Variants in LIMS1 observed in about 807,000 individuals in gnomAD.
The protein encoded by LIMS1 is LIM and senescent cell antigen-like-containing domain protein 1.
A neutral mutation model predicts 44.1 loss-of-function variants in LIMS1; 18 were observed. The ratio of observed to expected loss-of-function variants is 0.41; its 90% CI spans 0.28 to 0.61. LIMS1 has a LOEUF of 0.61. Ranked by LOEUF, LIMS1 falls within the 20% of genes least tolerant of loss-of-function variation. The probability of loss-of-function intolerance (pLI) is 0.32; values close to 1 mark genes in which losing one functional copy is unlikely to be tolerated. For missense variants in LIMS1, 201 were observed against 422.0 expected, an observed-to-expected ratio of 0.48 and a Z score of 4.59; for synonymous variants, 93 against 149.1, an observed-to-expected ratio of 0.62 and a Z score of 2.74.
intron 1 of LIMS1, among the ~76,000 whole-genome samples, chr2:108,644,396 C>CAGAG (rs1025374649): frequency 1.3e-5 from 2 of 152,148 alleles, no homozygotes; most frequent in Admixed American, 6.5e-5. Flanking sequence ...AGACCTGCAG[C>CAGAG]AGAGGGGCCT....
At chr2:108,686,085 G>GAAAA (rs935885799) in exon 10 of LIMS1, 6 of 152,306 alleles carry the variant, frequency 3.9e-5, no homozygotes, top group Non-Finnish European at 7.3e-5. Flanking sequence ...CCAGCACTTT[G>GAAAA]GGAGGTCGAG....
intron 1 of LIMS1, among the ~76,000 whole-genome samples, chr2:108,587,374 G>GT (rs1207679354): frequency 6.8e-6 from 1 of 146,260 alleles, no homozygotes; most frequent in Non-Finnish European, 1.5e-5. Flanking sequence ...TTTTGTTTTT[G>GT]TTTTTTCAGA....
intron 1 of LIMS1, among the ~76,000 whole-genome samples, chr2:108,631,048 G>A (rs1161743767): frequency 6.6e-6 from 1 of 152,200 alleles, no homozygotes; most frequent in Non-Finnish European, 1.5e-5. Flanking sequence ...AATTTATTAT[G>A]ACAGGATGAA....
chr2:108,600,790 G>C (rs1212756122), intron 1 of LIMS1, among the ~76,000 whole-genome samples: 1 of 152,134 alleles, frequency 6.6e-6, no homozygotes, highest in Non-Finnish European at 1.5e-5. Flanking sequence ...AGTATAATTG[G>C]AAATCCAGTA....
chr2:108,562,181 C>T (rs1685147843), intron 1 of LIMS1, among the ~76,000 whole-genome samples: 1 of 152,222 alleles, frequency 6.6e-6, no homozygotes. Flanking sequence ...GCCGATCTCT[C>T]ACCCTCTCCT....
intron 1 of LIMS1, among the ~76,000 whole-genome samples, chr2:108,589,334 C>T (rs765725125): frequency 1.1e-4 from 16 of 152,150 alleles, no homozygotes; most frequent in African/African-American, 1.7e-4. Context: ...ATCACTTTTT[C>T]GTGGTAACAA....
At chr2:108,567,956 G>T (rs764628590) in intron 1 of LIMS1, among the ~76,000 whole-genome samples, 6 of 152,180 alleles carry the variant, frequency 3.9e-5, no homozygotes, top group Non-Finnish European at 7.3e-5. Context: ...TTGATTCATT[G>T]ATTTAACCAC....
At chr2:108,587,290 T>TTG (rs58815332) in intron 1 of LIMS1, among the ~76,000 whole-genome samples, 7,775 of 105,448 alleles carry the variant, frequency 0.074, 207 homozygotes, top group Non-Finnish European at 0.08. Flanking sequence ...TTCTTGGGGT[T>TTG]TGTGTGTGTG....
At chr2:108,558,913 C>T (rs1192652107) in intron 1 of LIMS1, among the ~76,000 whole-genome samples, 1 of 151,948 alleles carries the variant, frequency 6.6e-6, no homozygotes, top group Non-Finnish European at 1.5e-5. Context: ...TCAGGTGATC[C>T]ACCCGCCTTG....
At chr2:108,634,156 C>A (rs1032631448) in intron 1 of LIMS1, among the ~76,000 whole-genome samples, 3 of 152,194 alleles carry the variant, frequency 2.0e-5, no homozygotes, top group African/African-American at 7.2e-5. Context: ...CATGCAATAA[C>A]TGACCTGTGT....
intron 2 of LIMS1, among the ~76,000 whole-genome samples, chr2:108,663,743 AATTTTTT>A (rs2148978963): frequency 6.6e-6 from 1 of 151,704 alleles, no homozygotes; most frequent in Non-Finnish European, 1.5e-5. Context: ...CCATTTTTTT[AATTTTTT>A]ATTTTTATTT....
At chr2:108,618,128 C>T (rs144478915) in intron 1 of LIMS1, among the ~76,000 whole-genome samples, 157 of 152,158 alleles carry the variant, frequency 1.0e-3, no homozygotes, top group African/African-American at 3.5e-3. Context: ...GGGAAAATGA[C>T]GGTGGGGAAT....
At chr2:108,582,921 A>G (rs1188026653) in intron 1 of LIMS1, among the ~76,000 whole-genome samples, 3 of 152,176 alleles carry the variant, frequency 2.0e-5, no homozygotes, top group Admixed American at 2.0e-4. Context: ...GGTGGTACTA[A>G]CATTACCACC....
chr2:108,645,119 G>A (rs1689971839), intron 1 of LIMS1, among the ~76,000 whole-genome samples: 1 of 152,042 alleles, frequency 6.6e-6, no homozygotes, highest in Admixed American at 6.6e-5. Flanking sequence ...AGCAAGGCAG[G>A]CCAACATTCA....
intron 1 of LIMS1, among the ~76,000 whole-genome samples, chr2:108,611,971 T>C (rs1324621129): frequency 1.4e-5 from 2 of 139,458 alleles, no homozygotes; most frequent in African/African-American, 2.6e-5. Context: ...TATATACACA[T>C]ATATAAAATA....
At chr2:108,659,911 G>A in intron 2 of LIMS1, 147 bp downstream of exon 2, 1 of 890,338 alleles carries the variant, frequency 1.1e-6, no homozygotes. Context: ...ATAGCTGTGA[G>A]GTCAGAGGTG....
chr2:108,641,913 T>C (rs1689693351), intron 1 of LIMS1, among the ~76,000 whole-genome samples: 1 of 152,242 alleles, frequency 6.6e-6, no homozygotes. Flanking sequence ...TCATTATCTT[T>C]ACTTGCATGT....
intron 1 of LIMS1, among the ~76,000 whole-genome samples, chr2:108,651,324 G>A (rs1439711247): frequency 6.6e-6 from 1 of 152,222 alleles, no homozygotes; most frequent in African/African-American, 2.4e-5. Flanking sequence ...GTGATCTATA[G>A]AGTGTGATAG....
intron 1 of LIMS1, among the ~76,000 whole-genome samples, chr2:108,645,501 C>A (rs1363858558): frequency 6.6e-6 from 1 of 152,152 alleles, no homozygotes; most frequent in Non-Finnish European, 1.5e-5. Flanking sequence ...AAGCACTAAA[C>A]ATGGAAAGGA....
Sources: gnomAD v4.1 joint callset for allele counts (sites outside exome capture counted in the v4.1 genomes callset) on GRCh38, gnomAD v4.1.1 for gene constraint, MANE v1.5 for transcripts, NCBI Gene and HGNC (gene_info 2026-07-23, HGNC 2026-07-21) for gene names.